The following EIF3F variants were observed in gnomAD, a reference collection of about 807,000 sequenced individuals.
EIF3F encodes eukaryotic translation initiation factor 3 subunit F, also known as deubiquitinating enzyme eIF3f.
Under a neutral mutation model 36.0 loss-of-function variants are expected in EIF3F, and 8 were observed. The observed-to-expected ratio is 0.22, with a 90% CI of 0.13 to 0.40. EIF3F has a LOEUF of 0.40. Among genes scored for constraint, EIF3F ranks in the 10% least tolerant of loss-of-function variants. The pLI is 1.00. For missense variants in EIF3F, 430 were observed against 467.6 expected, an observed-to-expected ratio of 0.92 and a Z score of 0.74; for synonymous variants, 184 against 188.5, an observed-to-expected ratio of 0.98 and a Z score of 0.19.
intron 1 of EIF3F, among the ~76,000 whole-genome samples, chr11:7,990,372 C>T (rs1254568094): frequency 6.6e-6 from 1 of 152,206 alleles, no homozygotes; most frequent in Non-Finnish European, 1.5e-5. Flanking sequence ...GTCTCTATCA[C>T]AACTACTTAA....
At chr11:7,989,823 T>C (rs1246559432) in intron 1 of EIF3F, among the ~76,000 whole-genome samples, 1 of 152,178 alleles carries the variant, frequency 6.6e-6, no homozygotes, top group Non-Finnish European at 1.5e-5. Flanking sequence ...ATCCACTGTC[T>C]GAAACATTCA....
chr11:7,987,415 G>A lies in EIF3F; in HGVS notation c.63G>A (p.Ala21=). The change falls in exon 1 of 8, where the codon GCG becomes GCA. Residue 21 remains alanine, a synonymous_variant. Coordinates refer to ENST00000651655, the MANE Select transcript of EIF3F (RefSeq NM_003754.3). ...PPATPTPVPA[A]APASVPAPTP... ...CCACGCCAACCCCAGTCCCGGCGGC[G>A]GCCCCAGCCTCAGTTCCAGCGCCAA... The A allele has an allele frequency of 6.2e-7, 1 of 1,601,246 alleles. No homozygotes were observed. Among genetic ancestry groups the A allele is most frequent in the East Asian group, 2.2e-5 (1 of 44,794 alleles).
At chr11:7,995,790 T>A in intron 7 of EIF3F, 155 bp from the exon 8 acceptor site, 1 of 705,994 alleles carries the variant, frequency 1.4e-6, no homozygotes, top group African/African-American at 1.8e-5. Context: ...TTCCTTTCTG[T>A]CTTCTACCTT....
At chr11:7,990,454 A>C (rs1364373353) in intron 1 of EIF3F, among the ~76,000 whole-genome samples, 1 of 152,228 alleles carries the variant, frequency 6.6e-6, no homozygotes, top group Non-Finnish European at 1.5e-5. Context: ...AAACATTTCT[A>C]GATCAGGGCC....
rs1332177362 is a variant in EIF3F at position 7,998,164 on chromosome 11, TAGAG to T, written c.*2145_*2148del. The T allele has an allele frequency of 6.6e-6, 1 of 152,200 alleles. No individual in the cohort carries two copies. Among genetic ancestry groups the T allele is most frequent in the African/African-American group, 2.4e-5 (1 of 41,442 alleles). The allele number at this position is 152,200 out of a possible 1,614,324, so 9.4% of individuals were successfully genotyped here. On this transcript the variant is annotated 3_prime_UTR_variant, in exon 8 of 8. Transcript: ENST00000651655. Reference sequence around the variant, plus strand: ...TATAAAGTCACCATGAACACTGAATTAGAGAGTACTGAACCATTATTCCCAAGGG... The same window carrying T: ...TATAAAGTCACCATGAACACTGAATTAGTACTGAACCATTATTCCCAAGGG...
At chr11:7,989,624 A>G (rs2133667344) in intron 1 of EIF3F, among the ~76,000 whole-genome samples, 1 of 149,138 alleles carries the variant, frequency 6.7e-6, no homozygotes, top group African/African-American at 2.5e-5. Context: ...TAAACTCAAG[A>G]TAGAAGTGTA....
rs777698840 is a variant in EIF3F at position 7,987,478 on chromosome 11, T to A, written c.126T>A (p.Ala42=). The change falls in exon 1 of 8, where the codon GCT becomes GCA. Residue 42 remains alanine (A), a synonymous_variant. Transcript: ENST00000651655. ...CTGCGGCTCCGGTTCCCGCTGCGGC[T>A]CCAGCCTCATCCTCAGACCCTGCGG... ...APAAAPVPAA[A]PASSSDPAAA... 6.2e-7 allele frequency: 1 copy of A among 1,605,910 alleles called. No individual in the cohort carries two copies. Among genetic ancestry groups the A allele is most frequent in the African/African-American group, 1.3e-5 (1 of 74,748 alleles).
At chr11:7,992,810 AGAC>A in intron 3 of EIF3F, 74 bp from the exon 4 acceptor site, 2 of 1,600,182 alleles carry the variant, frequency 1.2e-6, no homozygotes, top group African/African-American at 1.3e-5. Context: ...GGTACCCTGA[AGAC>A]ACCCATGCCA....
Position 7,991,789 on chromosome 11 carries a change from G to A in EIF3F, c.373G>A (p.Asp125Asn), listed in dbSNP as rs1161260633. The A allele has an allele frequency of 3.1e-6, 5 of 1,613,992 alleles. No individual in the cohort carries two copies. Among genetic ancestry groups the A allele is most frequent in the East Asian group, 4.5e-5 (2 of 44,894 alleles). ...GATTCTCTCTTTCACAGGAACTGTC[G>A]ACAAACACTCAGTGGAGGTCACCAA... Reference protein sequence around the residue: ...RVIGTLLGTVDKHSVEVTNCF... With the variant: ...RVIGTLLGTVNKHSVEVTNCF... The change falls in exon 2 of 8, where the codon GAC becomes AAC. Residue 125 changes from aspartate to asparagine, a missense_variant. By Grantham distance (23) the Asp-to-Asn change is conservative. Coordinates refer to ENST00000651655, the MANE Select transcript of EIF3F (RefSeq NM_003754.3).
intron 7 of EIF3F, 122 bp from the exon 8 acceptor site, chr11:7,995,823 C>G (rs1942154080): frequency 2.5e-6 from 2 of 802,134 alleles, no homozygotes; most frequent in Non-Finnish European, 4.4e-6. Context: ...TCAGTCTCTC[C>G]TAGCTGTCAT....
intron 7 of EIF3F, 52 bp from the exon 8 acceptor site, chr11:7,995,893 T>G: frequency 6.5e-7 from 1 of 1,535,996 alleles, no homozygotes; most frequent in Non-Finnish European, 9.0e-7. Flanking sequence ...GCCAGCCTTT[T>G]TGCTCCCTTT....
Position 7,995,088 on chromosome 11 carries a change from T to C in EIF3F, c.852T>C (p.Ser284=). The C allele has an allele frequency of 1.2e-6, 2 of 1,613,892 alleles. No homozygotes were observed. The highest frequency in any genetic ancestry group is 1.7e-6 in the Non-Finnish European group (2 of 1,179,906). Residue 284 remains serine (S), a synonymous_variant, in exon 6 of 8, where the codon AGT becomes AGC. Coordinates refer to ENST00000651655, the MANE Select transcript of EIF3F (RefSeq NM_003754.3). ...GASARIQDAL[S]TVLQYAEDVL... ...CAGCTCGCATCCAGGATGCCCTGAGTACAGTGTTGCAATATGCAGAGGATG... is the reference window on the plus strand; with the variant it reads ...CAGCTCGCATCCAGGATGCCCTGAGCACAGTGTTGCAATATGCAGAGGATG...
At chr11:7,994,606 G>T in intron 5 of EIF3F, 89 bp downstream of exon 5, 1 of 1,309,902 alleles carries the variant, frequency 7.6e-7, no homozygotes, top group East Asian at 2.5e-5. Context: ...GAGGCCTTGG[G>T]TGGTTTGAAA....
chr11:7,992,250 C>A, intron 3 of EIF3F, 87 bp downstream of exon 3: 1 of 1,183,850 alleles, frequency 8.4e-7, no homozygotes, highest in Non-Finnish European at 1.2e-6. Flanking sequence ...ATCTTATACT[C>A]TTCCTTTTGG....
chr11:7,998,144 A>G lies in EIF3F; in HGVS notation c.*2122A>G, dbSNP rs1284411206. ...TATCTATAGTAGTTATGTTTTATAA[A>G]GTCACCATGAACACTGAATTAGAGA... On this transcript the variant is annotated 3_prime_UTR_variant, in exon 8 of 8. Coordinates refer to ENST00000651655, the MANE Select transcript of EIF3F (RefSeq NM_003754.3). 2 of 152,204 alleles carry G rather than the reference A, an allele frequency of 1.3e-5. No homozygotes were observed. The highest frequency in any genetic ancestry group is 2.9e-5 in the Non-Finnish European group (2 of 68,034). 9.4% of individuals were successfully genotyped at this position (152,204 alleles called of 1,614,324 possible).
At position 7,989,109 on chromosome 11, in the gene EIF3F, G is replaced by T. The variant is rs1168012292; in HGVS notation, c.364+1393G>T. On this transcript the variant is annotated intron_variant, in intron 1 of 7. Transcript: ENST00000651655. Reference sequence around the variant, plus strand: ...CACGTTCCCAGCAACAGCATTAAGTGCCGGTCCTCCATCCCATACCCGGAC... The same window carrying T: ...CACGTTCCCAGCAACAGCATTAAGTTCCGGTCCTCCATCCCATACCCGGAC... Among the ~76,000 whole-genome samples the T allele has an allele frequency of 3.9e-5, 6 of 152,258 alleles. No individual in the cohort carries two copies. The East Asian group carries it at 1.2e-3, about 29-fold the overall frequency.
rs971904895 is a variant in EIF3F, at chr11:7,997,800, G to A, written c.*1778G>A. ...TGTATATGTGGGTTCCACATCTATGGACTCAACCAACTACAGGTTGAAAAT... is the reference window on the plus strand; with the variant it reads ...TGTATATGTGGGTTCCACATCTATGAACTCAACCAACTACAGGTTGAAAAT... On this transcript the variant is annotated 3_prime_UTR_variant, in exon 8 of 8. Coordinates refer to ENST00000651655, the MANE Select transcript of EIF3F (RefSeq NM_003754.3). The A allele has an allele frequency of 1.3e-5, 2 of 152,208 alleles. No individual in the cohort carries two copies. The highest frequency in any genetic ancestry group is 2.4e-5 in the African/African-American group (1 of 41,446). The allele number at this position is 152,208 out of a possible 1,614,324, so 9.4% of individuals were successfully genotyped here.
chr11:7,997,408 G>C lies in EIF3F; in HGVS notation c.*1386G>C, dbSNP rs1054065948. On this transcript the variant is annotated 3_prime_UTR_variant, in exon 8 of 8. Transcript: ENST00000651655. ...AGTATATATAATCTCTCAATGAATA[G>C]TGATGAGAGATGGTGGGATAATAGG... 1 of 152,138 alleles carries C rather than the reference G, an allele frequency of 6.6e-6. No homozygotes were observed. The highest frequency in any genetic ancestry group is 2.4e-5 in the African/African-American group (1 of 41,420). 9.4% of individuals were successfully genotyped at this position (152,138 alleles called of 1,614,324 possible).
chr11:7,996,709 T>C lies in EIF3F; in HGVS notation c.*687T>C, dbSNP rs1942164377. ...AGGCTAGAGTACTTGCCTGTGTAAC[T>C]TCAGACATCCATTTCCTCTGGTATC... On this transcript the variant is annotated 3_prime_UTR_variant, in exon 8 of 8. Transcript: ENST00000651655. The C allele has an allele frequency of 6.6e-6, 1 of 152,214 alleles. No individual in the cohort carries two copies. Among genetic ancestry groups the C allele is most frequent in the African/African-American group, 2.4e-5 (1 of 41,456 alleles). 9.4% of individuals were successfully genotyped at this position (152,214 alleles called of 1,614,324 possible). A position where few individuals can be genotyped will look rare whatever the true frequency, so the allele number is the denominator to read the frequency against.
Sources: allele counts gnomAD v4.1 joint callset (sites outside exome capture counted in the v4.1 genomes callset), GRCh38; gene constraint gnomAD v4.1.1; transcripts MANE v1.5; gene names NCBI Gene and HGNC (gene_info 2026-07-23, HGNC 2026-07-21).